Variants in FAT3 observed in about 807,000 individuals in gnomAD.
FAT3 encodes the protein FAT atypical cadherin 3.
A neutral mutation model predicts 310.2 loss-of-function variants in FAT3; 95 were observed. That is an observed-to-expected ratio of 0.31 (90% CI 0.26 to 0.36). The LOEUF is 0.36. FAT3 is among the 10% of genes least tolerant of loss of function. FAT3 has a pLI of 1.00. For missense variants in FAT3, 5,408 were observed against 5,715.6 expected, an observed-to-expected ratio of 0.95 and a Z score of 1.74; for synonymous variants, 2,314 against 2,192.9, an observed-to-expected ratio of 1.06 and a Z score of -1.54.
chr11:92,539,904 T>A (rs2135408098), intron 3 of FAT3, among the ~76,000 whole-genome samples: 1 of 152,308 alleles, frequency 6.6e-6, no homozygotes, highest in African/African-American at 2.4e-5. Context: ...GCCATCTATG[T>A]CATCGCATAG....
chr11:92,813,006 C>T (rs922687670), intron 13 of FAT3, among the ~76,000 whole-genome samples: 4 of 152,072 alleles, frequency 2.6e-5, no homozygotes, highest in African/African-American at 9.7e-5. Context: ...AGGGGCTTTT[C>T]CCCCTTTTGT....
In FAT3 at chr11:92,800,884, C is replaced by A; in HGVS notation, c.7871C>A (p.Ala2624Asp). The A allele has an allele frequency of 6.2e-7, 1 of 1,613,314 alleles. No homozygotes were observed. The highest frequency in any genetic ancestry group is 1.1e-5 in the South Asian group (1 of 90,916). ...GGCCACTTGGTCACTCAAGTTCAAG[C>A]CATAGATCCCGATGATGGAGCAAAT... is the stretch of plus-strand genomic sequence containing the variant. ...GRGHLVTQVQ[A>D]IDPDDGANSR... The change falls in exon 10 of 28, where the codon GCC becomes GAC. Residue 2624 changes from alanine (A) to aspartate (D), a missense_variant. Physicochemically the swap from Ala to Asp is moderately radical, Grantham distance 126. Coordinates refer to ENST00000525166, the MANE Select transcript of FAT3 (RefSeq NM_001367949.2).
intron 1 of FAT3, among the ~76,000 whole-genome samples, chr11:92,330,446 G>C (rs937455263): frequency 6.6e-6 from 1 of 152,082 alleles, no homozygotes; most frequent in Admixed American, 6.5e-5. Context: ...CTTCCTCAGC[G>C]GTACAATGAA....
In FAT3 at chr11:92,857,467, C is replaced by G. The variant is rs1949010116; in HGVS notation, c.11500+119C>G. On this transcript the variant is annotated intron_variant, in intron 20 of 27. Coordinates refer to ENST00000525166, the MANE Select transcript of FAT3 (RefSeq NM_001367949.2). ...CGTTTCTTTATGCATGCAACCTTTT[C>G]CTTTAGAATGGACCACAGCTAACAT... 9 of 1,345,448 alleles carry G rather than the reference C, an allele frequency of 6.7e-6. No individual in the cohort carries two copies. In the East Asian group the frequency reaches 1.9e-4, roughly 28 times the overall value. The allele number at this position is 1,345,448 out of a possible 1,614,324, so 83.3% of individuals were successfully genotyped here.
At chr11:92,507,132 C>T (rs775227117) in intron 2 of FAT3, among the ~76,000 whole-genome samples, 7 of 152,100 alleles carry the variant, frequency 4.6e-5, no homozygotes, top group Admixed American at 1.3e-4. Context: ...CTGGTGCTGT[C>T]GACAGAGCAA....
chr11:92,316,382 A>G (rs950943834), intron 1 of FAT3, among the ~76,000 whole-genome samples: 1 of 152,216 alleles, frequency 6.6e-6, no homozygotes, highest in African/African-American at 2.4e-5. Context: ...GAAGAAATAT[A>G]TACAAAATGC....
chr11:92,873,228 C>G (rs1949436575), intron 22 of FAT3, among the ~76,000 whole-genome samples: 1 of 152,138 alleles, frequency 6.6e-6, no homozygotes, highest in African/African-American at 2.4e-5. Flanking sequence ...AGAGGTCAGG[C>G]CATGGTCACA....
intron 4 of FAT3, among the ~76,000 whole-genome samples, chr11:92,754,854 G>A (rs1316227381): frequency 4.0e-5 from 6 of 151,710 alleles, no homozygotes; most frequent in South Asian, 2.1e-4. Flanking sequence ...GCAACAGAGC[G>A]AGACTTGATC....
intron 19 of FAT3, among the ~76,000 whole-genome samples, chr11:92,851,351 A>G (rs1948825223): frequency 6.6e-6 from 1 of 152,166 alleles, no homozygotes; most frequent in Non-Finnish European, 1.5e-5. Context: ...TTGCTTTCAC[A>G]TACACTAGCC....
At chr11:92,807,788 G>A (rs746355611) in intron 12 of FAT3, among the ~76,000 whole-genome samples, 7 of 152,190 alleles carry the variant, frequency 4.6e-5, no homozygotes, top group African/African-American at 1.7e-4. Context: ...GGTTATGTAA[G>A]CTAAAGGCAG....
chr11:92,748,171 A>G (rs1407467982), intron 4 of FAT3, among the ~76,000 whole-genome samples: 2 of 152,204 alleles, frequency 1.3e-5, no homozygotes, highest in Non-Finnish European at 1.5e-5. Flanking sequence ...CAGTCTCACA[A>G]TCATGGTGGA....
rs567242835 is a variant in FAT3 at position 92,633,385 on chromosome 11, G to T, written c.3608-63999G>T. ...TCTTCCAGGCCAGCATCAGCCAAAT[G>T]TGTTGTCAGAGAGTGACTTTAAGAA... On this transcript the variant is annotated intron_variant, in intron 3 of 27. Transcript: ENST00000525166. Among the ~76,000 whole-genome samples the T allele has an allele frequency of 9.3e-4, 141 of 152,232 alleles. 1 individual carries two copies. The highest frequency in any genetic ancestry group is 1.7e-3 in the Non-Finnish European group (116 of 68,014).
At chr11:92,430,947 T>A (rs1457750302) in intron 2 of FAT3, among the ~76,000 whole-genome samples, 1 of 152,202 alleles carries the variant, frequency 6.6e-6, no homozygotes, top group African/African-American at 2.4e-5. Context: ...TCTTTGCTTT[T>A]GTGAATAGTG....
chr11:92,616,169 G>T (rs1940794189), intron 3 of FAT3, among the ~76,000 whole-genome samples: 1 of 152,092 alleles, frequency 6.6e-6, no homozygotes, highest in Non-Finnish European at 1.5e-5. Flanking sequence ...TCCTGTATTG[G>T]GTGCATATAT....
In FAT3 at chr11:92,799,035, G is replaced by A; in HGVS notation, c.6022G>A (p.Gly2008Arg). 1 of 1,613,870 alleles carries A rather than the reference G, an allele frequency of 6.2e-7. No individual in the cohort carries two copies. The highest frequency in any genetic ancestry group is 8.5e-7 in the Non-Finnish European group (1 of 1,179,870). ...CAAAGTTGCTATTGTCAATGCAGTT[G>A]GAAATCGCCTTAATGAGCCCTTAAA... ...ITKVAIVNAVGNRLNEPLKYS... is the reference protein window; with the variant it reads ...ITKVAIVNAVRNRLNEPLKYS... The change falls in exon 10 of 28, where the codon GGA becomes AGA. Residue 2008 changes from glycine to arginine, a missense_variant. Around this residue, in one of 5 missense-constraint regions of FAT3, gnomAD observed 4,588 missense variants for 4,809.8 expected, o/e 0.95. Coordinates refer to ENST00000525166, the MANE Select transcript of FAT3 (RefSeq NM_001367949.2).
chr11:92,667,629 C>T (rs911692976), intron 3 of FAT3, among the ~76,000 whole-genome samples: 5 of 152,148 alleles, frequency 3.3e-5, no homozygotes, highest in African/African-American at 9.7e-5. Context: ...ACACACAAGC[C>T]GCCCAAAGAA....
intron 2 of FAT3, among the ~76,000 whole-genome samples, chr11:92,390,469 A>G (rs369668546): frequency 5.6e-4 from 85 of 152,272 alleles, no homozygotes; most frequent in African/African-American, 1.9e-3. Context: ...CACTGGGGTC[A>G]AGGAGCCATA....
chr11:92,853,888 T>G (rs1247670173), intron 19 of FAT3, among the ~76,000 whole-genome samples: 1 of 152,168 alleles, frequency 6.6e-6, no homozygotes. Context: ...GTGGAATACC[T>G]GGAACTGACA....
chr11:92,467,686 G>A (rs1951801602), intron 2 of FAT3, among the ~76,000 whole-genome samples: 1 of 152,128 alleles, frequency 6.6e-6, no homozygotes, highest in Admixed American at 6.6e-5. Context: ...ATAGCACCCA[G>A]AACAAACCAC....
Sources: allele counts gnomAD v4.1 joint callset (sites outside exome capture counted in the v4.1 genomes callset), GRCh38; gene constraint gnomAD v4.1.1; regional missense constraint gnomAD v4.1.1; transcripts MANE v1.5; gene names NCBI Gene and HGNC (gene_info 2026-07-23, HGNC 2026-07-21).